The following ADGRL3 variants were observed in gnomAD, a reference collection of about 807,000 sequenced individuals.
The protein encoded by ADGRL3 is calcium-independent alpha-latrotoxin receptor 3.
Under a neutral mutation model 153.5 loss-of-function variants are expected in ADGRL3, and 62 were observed. The observed-to-expected ratio is 0.40, with a 90% CI of 0.33 to 0.50. The LOEUF is 0.50. Ranked by LOEUF, ADGRL3 falls within the 20% of genes least tolerant of loss-of-function variation. ADGRL3 has a pLI of 0.47. For synonymous variants in ADGRL3, 710 were observed against 672.5 expected (o/e 1.06, Z -0.86); for missense variants, 1,641 against 1,859.4 (o/e 0.88, Z 2.16).
chr4:61,536,156 G>A (rs1302227755), intron 4 of ADGRL3, among the ~76,000 whole-genome samples: 1 of 152,080 alleles, frequency 6.6e-6, no homozygotes, highest in Non-Finnish European at 1.5e-5. Context: ...TCATTCAGGA[G>A]TGAGTTGTTT....
intron 5 of ADGRL3, among the ~76,000 whole-genome samples, chr4:61,607,009 A>G (rs138455452): frequency 6.6e-6 from 1 of 152,316 alleles, no homozygotes; most frequent in Admixed American, 6.5e-5. Flanking sequence ...GTGGTATTGC[A>G]GTAAAGAAAG....
intron 25 of ADGRL3, among the ~76,000 whole-genome samples, chr4:62,045,648 T>C (rs1456990669): frequency 1.3e-5 from 2 of 151,940 alleles, no homozygotes; most frequent in Non-Finnish European, 2.9e-5. Context: ...AGTGTCAAAA[T>C]TGAATTTGAT....
chr4:61,387,768 A>G (rs908781489), intron 2 of ADGRL3, among the ~76,000 whole-genome samples: 3 of 152,062 alleles, frequency 2.0e-5, no homozygotes, highest in Admixed American at 6.6e-5. Context: ...TGTGCAGTTA[A>G]TGCAATTATT....
Position 61,850,061 on chromosome 4 carries a change from T to C in ADGRL3, c.1480+36172T>C, listed in dbSNP as rs143807725. 2.4e-3 allele frequency among the ~76,000 whole-genome samples: 361 copies of C among 152,224 alleles called. 2 individuals carry two copies. The highest frequency in any genetic ancestry group is 8.2e-3 in the African/African-American group (340 of 41,570). ...ACCACTGTGAACATCAGGATCTTCA[T>C]TCCTAATAAATATATGTGGTTCCCT... On this transcript the variant is annotated intron_variant, in intron 9 of 26. Coordinates refer to ENST00000683033, the MANE Select transcript of ADGRL3 (RefSeq NM_001387552.1).
chr4:61,223,591 C>T (rs528981375), intron 1 of ADGRL3, among the ~76,000 whole-genome samples: 9 of 152,098 alleles, frequency 5.9e-5, no homozygotes, highest in East Asian at 3.9e-4. Flanking sequence ...ACATCGTGGG[C>T]GTTTTGCCCA....
intron 1 of ADGRL3, among the ~76,000 whole-genome samples, chr4:61,206,574 A>G (rs1737296052): frequency 6.6e-6 from 1 of 152,198 alleles, no homozygotes; most frequent in East Asian, 1.9e-4. Flanking sequence ...ATGATATGTG[A>G]TGGCATCATT....
intron 9 of ADGRL3, among the ~76,000 whole-genome samples, chr4:61,858,464 T>TA (rs1271851783): frequency 6.6e-6 from 1 of 151,916 alleles, no homozygotes; most frequent in Admixed American, 6.6e-5. Flanking sequence ...CTACTAAAAA[T>TA]ACAAAAACTA....
intron 1 of ADGRL3, among the ~76,000 whole-genome samples, chr4:61,371,674 C>T (rs1230652599): frequency 2.0e-5 from 3 of 152,104 alleles, no homozygotes; most frequent in African/African-American, 7.2e-5. Context: ...TTTTTTCCTT[C>T]ATTTCAACTT....
At chr4:61,982,487 C>T (rs2099071927) in intron 18 of ADGRL3, among the ~76,000 whole-genome samples, 1 of 152,106 alleles carries the variant, frequency 6.6e-6, no homozygotes, top group Non-Finnish European at 1.5e-5. Context: ...CAATGAATTT[C>T]TGTTACTCTG....
At chr4:61,898,868 T>C (rs965214779) in intron 11 of ADGRL3, among the ~76,000 whole-genome samples, 1 of 152,082 alleles carries the variant, frequency 6.6e-6, no homozygotes, top group East Asian at 1.9e-4. Context: ...CTGCCTGTCA[T>C]AGCCTCCCAA....
rs574260853 is a variant in ADGRL3, at chr4:61,923,565, G to T, written c.2112+10808G>T. On this transcript the variant is annotated intron_variant, in intron 13 of 26. Transcript: ENST00000683033. ...GCCAGGAGATGTAAATACTTTCAGT[G>T]CGTGTCTCTGTACCTTTATAGTCAC... 1.4e-4 allele frequency among the ~76,000 whole-genome samples: 22 copies of T among 152,220 alleles called. No homozygotes were observed. In the East Asian group the frequency reaches 2.5e-3, roughly 17 times the overall value.
intron 9 of ADGRL3, among the ~76,000 whole-genome samples, chr4:61,875,524 A>C (rs532375776): frequency 3.3e-5 from 5 of 152,282 alleles, no homozygotes; most frequent in Admixed American, 6.5e-5. Flanking sequence ...TCATTCCTTG[A>C]TACTGAACTC....
At chr4:61,691,683 T>C (rs1365048562) in intron 6 of ADGRL3, among the ~76,000 whole-genome samples, 1 of 152,176 alleles carries the variant, frequency 6.6e-6, no homozygotes, top group Non-Finnish European at 1.5e-5. Context: ...ATTTAGCCTA[T>C]TGTTGGAAAA....
At chr4:61,503,849 C>T (rs2098409097) in intron 3 of ADGRL3, among the ~76,000 whole-genome samples, 1 of 152,094 alleles carries the variant, frequency 6.6e-6, no homozygotes, top group Admixed American at 6.6e-5. Flanking sequence ...TTAGGATATT[C>T]GTCACTTCAA....
Position 61,729,786 on chromosome 4 carries a change from C to G in ADGRL3, c.584-836C>G, listed in dbSNP as rs2096408900. Among the ~76,000 whole-genome samples, 6 of 151,790 alleles carry G rather than the reference C, an allele frequency of 4.0e-5. No individual in the cohort carries two copies. In the South Asian group the frequency reaches 1.2e-3, roughly 32 times the overall value. On this transcript the variant is annotated intron_variant, in intron 6 of 26. Transcript: ENST00000683033. ...AACAATTTTCCAAAATTTTTACTGA[C>G]TTGTATTGGTCAGTACCTTAAAAAT...
At chr4:61,263,187 A>G (rs933490603) in intron 1 of ADGRL3, among the ~76,000 whole-genome samples, 1 of 152,044 alleles carries the variant, frequency 6.6e-6, no homozygotes, top group Non-Finnish European at 1.5e-5. Flanking sequence ...TTGCTGTATT[A>G]TTTCCTGAAT....
At chr4:61,219,510 T>C (rs1296567986) in intron 1 of ADGRL3, among the ~76,000 whole-genome samples, 2 of 152,210 alleles carry the variant, frequency 1.3e-5, no homozygotes, top group Non-Finnish European at 2.9e-5. Flanking sequence ...GATTTATTTA[T>C]AAATACTCAT....
At chr4:61,970,696 C>T (rs755862539) in intron 17 of ADGRL3, among the ~76,000 whole-genome samples, 1 of 152,272 alleles carries the variant, frequency 6.6e-6, no homozygotes, top group South Asian at 2.1e-4. Flanking sequence ...CAATTTGATA[C>T]AAACTTGAAT....
chr4:61,351,183 A>G (rs1172626590), intron 1 of ADGRL3, among the ~76,000 whole-genome samples: 4 of 152,262 alleles, frequency 2.6e-5, no homozygotes, highest in African/African-American at 9.6e-5. Context: ...CAGCCACAGT[A>G]TTCCCTTAAG....
Sources: gnomAD v4.1 joint callset for allele counts (sites outside exome capture counted in the v4.1 genomes callset) on GRCh38, gnomAD v4.1.1 for gene constraint, MANE v1.5 for transcripts, NCBI Gene and HGNC (gene_info 2026-07-23, HGNC 2026-07-21) for gene names.